Variants in CCDC25 observed in about 807,000 individuals in gnomAD.
CCDC25 encodes the protein coiled-coil domain-containing protein 25.
CCDC25 carries 16 observed loss-of-function variants against 35.3 expected under a neutral mutation model. The ratio of observed to expected loss-of-function variants is 0.45; its 90% CI spans 0.31 to 0.69. The LOEUF (loss-of-function observed/expected upper bound fraction) is 0.69, where lower values mean the gene tolerates loss of function less well. Ranked by LOEUF, CCDC25 falls within the 30% of genes least tolerant of loss-of-function variation. The pLI is 0.06. For missense variants in CCDC25, 179 were observed against 250.7 expected (o/e 0.71, Z 1.93); for synonymous variants, 79 against 80.3 (o/e 0.98, Z 0.09).
chr8:27,753,821 C>T (rs1467298063), intron 4 of CCDC25, among the ~76,000 whole-genome samples: 1 of 152,178 alleles, frequency 6.6e-6, no homozygotes, highest in Non-Finnish European at 1.5e-5. Context: ...CTTCATAATC[C>T]TCTTTTCCTT....
chr8:27,763,185 G>A (rs1804284334), intron 2 of CCDC25, among the ~76,000 whole-genome samples: 1 of 152,062 alleles, frequency 6.6e-6, no homozygotes, highest in South Asian at 2.1e-4. Flanking sequence ...CCCTTGGTTT[G>A]TTTCTAATTA....
chr8:27,769,849 T>A (rs919805810), intron 1 of CCDC25, among the ~76,000 whole-genome samples: 1 of 152,202 alleles, frequency 6.6e-6, no homozygotes, highest in Non-Finnish European at 1.5e-5. Flanking sequence ...TTCACTTAAA[T>A]CTTACCTTTT....
At position 27,744,829 on chromosome 8, in the gene CCDC25, A is replaced by G. The variant is rs991629045; in HGVS notation, c.551+3248T>C. On this transcript the variant is annotated intron_variant, in intron 7 of 8. Transcript: ENST00000356537. ...CCTGCTTTGTCAGTTACAGGCTACA[A>G]TCTTTCCACATTATCCTCCATGCTG... Among the ~76,000 whole-genome samples, 3 of 152,294 alleles carry G rather than the reference A, an allele frequency of 2.0e-5. No individual in the cohort carries two copies. The South Asian group carries it at 6.2e-4, about 32-fold the overall frequency.
chr8:27,772,471 C>A (rs1160707776), intron 1 of CCDC25, 42 bp downstream of exon 1: 2 of 1,545,210 alleles, frequency 1.3e-6, no homozygotes, highest in Non-Finnish European at 8.8e-7. Context: ...GCTTCGGAGC[C>A]CGCTGTCCAG....
intron 1 of CCDC25, among the ~76,000 whole-genome samples, chr8:27,768,624 C>T (rs1804485817): frequency 6.7e-6 from 1 of 150,026 alleles, no homozygotes; most frequent in Non-Finnish European, 1.5e-5. Context: ...TGCTGCACAA[C>T]AAGTCTGAAT....
chr8:27,746,181 G>A (rs1803596129), intron 7 of CCDC25, among the ~76,000 whole-genome samples: 1 of 152,156 alleles, frequency 6.6e-6, no homozygotes, highest in Non-Finnish European at 1.5e-5. Flanking sequence ...ACTTTAAAAT[G>A]GAATAAATTG....
intron 3 of CCDC25, among the ~76,000 whole-genome samples, chr8:27,757,904 G>A (rs1353499219): frequency 6.6e-6 from 1 of 152,138 alleles, no homozygotes; most frequent in Non-Finnish European, 1.5e-5. Context: ...GAGTTCTCAT[G>A]AGATCTGTTT....
chr8:27,772,561 G>A lies in CCDC25; in HGVS notation c.-21C>T. The A allele has an allele frequency of 3.9e-6, 6 of 1,548,840 alleles. No homozygotes were observed. Among genetic ancestry groups the A allele is most frequent in the Non-Finnish European group, 5.2e-6 (6 of 1,146,408 alleles). On this transcript the variant is annotated 5_prime_UTR_variant, in exon 1 of 9. Transcript: ENST00000356537. Reference sequence around the variant, plus strand: ...ACCATGATCCCGGGAGCGGTGCGGTGACTCCACCGCGGAGCAGCAGCGCTC... The same window carrying A: ...ACCATGATCCCGGGAGCGGTGCGGTAACTCCACCGCGGAGCAGCAGCGCTC...
chr8:27,756,898 G>A, intron 3 of CCDC25, 128 bp from the exon 4 acceptor site: 1 of 690,182 alleles, frequency 1.4e-6, no homozygotes, highest in Non-Finnish European at 2.6e-6. Flanking sequence ...AGCATCATGA[G>A]GAGTATAAAG....
intron 6 of CCDC25, 32 bp from the exon 7 acceptor site, chr8:27,748,311 T>C: frequency 1.9e-6 from 3 of 1,586,920 alleles, no homozygotes; most frequent in Non-Finnish European, 2.6e-6. Flanking sequence ...AGATATTGCA[T>C]CTTTTTGTTT....
At chr8:27,764,678 G>C (rs971931298) in intron 2 of CCDC25, 1 of 223,730 alleles carries the variant, frequency 4.5e-6, no homozygotes, top group Non-Finnish European at 9.2e-6. Context: ...CATAAATTAT[G>C]TATCTAGATT....
intron 1 of CCDC25, among the ~76,000 whole-genome samples, chr8:27,767,423 G>A (rs10091671): frequency 0.57 from 86,358 of 152,110 alleles, 25,113 homozygotes; most frequent in East Asian, 0.95. Context: ...AGGCCAAGCT[G>A]TCTAAGCTAC....
intron 7 of CCDC25, among the ~76,000 whole-genome samples, chr8:27,743,274 T>C (rs949283248): frequency 6.6e-6 from 1 of 152,232 alleles, no homozygotes; most frequent in Non-Finnish European, 1.5e-5. Context: ...CTTAACCTAG[T>C]CACACCCACT....
At chr8:27,762,091 C>T (rs1804247769) in intron 3 of CCDC25, among the ~76,000 whole-genome samples, 2 of 152,132 alleles carry the variant, frequency 1.3e-5, no homozygotes, top group Non-Finnish European at 2.9e-5. Flanking sequence ...TTCATTGCTT[C>T]ATGTGAAGTC....
chr8:27,772,412 A>C, intron 1 of CCDC25, 101 bp downstream of exon 1: 1 of 1,197,968 alleles, frequency 8.3e-7, no homozygotes, highest in Non-Finnish European at 1.2e-6. Context: ...TCGCATCCAG[A>C]AGGCATTTTA....
intron 2 of CCDC25, 114 bp downstream of exon 2, chr8:27,765,090 A>C: frequency 4.4e-6 from 4 of 915,274 alleles, no homozygotes; most frequent in Non-Finnish European, 6.5e-6. Flanking sequence ...CTAGTTTATC[A>C]AAGTAGGTGA....
rs182329161 is a variant in CCDC25 at position 27,733,855 on chromosome 8, A to G, written c.*2361T>C. The G allele has an allele frequency of 1.2e-3, 180 of 152,300 alleles. No homozygotes were observed. The highest frequency in any genetic ancestry group is 4.2e-3 in the African/African-American group (173 of 41,562). The allele number at this position is 152,300 out of a possible 1,614,324, so 9.4% of individuals were successfully genotyped here. The stretch of plus-strand genomic sequence containing the variant: ...TTGGAAAACAAGAGCTTCCCCTCTC[A>G]GACAGATGCAGCAGCGGGAGGAAGG... On this transcript the variant is annotated 3_prime_UTR_variant, in exon 9 of 9. Transcript: ENST00000356537.
chr8:27,746,300 C>T (rs1222492694), intron 7 of CCDC25, among the ~76,000 whole-genome samples: 1 of 151,798 alleles, frequency 6.6e-6, no homozygotes, highest in Admixed American at 6.6e-5. Context: ...TTCTCAGGCT[C>T]AGTTTCCTCT....
At chr8:27,764,394 G>C (rs1804330026) in intron 2 of CCDC25, 1 of 297,956 alleles carries the variant, frequency 3.4e-6, no homozygotes, top group Non-Finnish European at 6.6e-6. Flanking sequence ...TCAGCCTCCA[G>C]AGTAGCAAGG....
Sources: allele counts gnomAD v4.1 joint callset (sites outside exome capture counted in the v4.1 genomes callset), GRCh38; gene constraint gnomAD v4.1.1; transcripts MANE v1.5; gene names NCBI Gene and HGNC (gene_info 2026-07-23, HGNC 2026-07-21).